The following BCHE variants were observed in gnomAD, a reference collection of about 807,000 sequenced individuals.
BCHE encodes butyrylcholinesterase, also known as cholinesterase.
Under a neutral mutation model 51.3 loss-of-function variants are expected in BCHE, and 48 were observed. The ratio of observed to expected loss-of-function variants is 0.94; its 90% CI spans 0.74 to 1.19. The LOEUF is 1.19. Among genes scored for constraint, BCHE ranks in the 50% most tolerant of loss-of-function variants. BCHE has a pLI of 0.00. For missense variants in BCHE, 847 were observed against 708.2 expected (o/e 1.20, Z -2.23); for synonymous variants, 251 against 238.0 (o/e 1.05, Z -0.50).
chr3:165,796,847 G>A (rs1263128739), intron 2 of BCHE, among the ~76,000 whole-genome samples: 1 of 152,042 alleles, frequency 6.6e-6, no homozygotes, highest in South Asian at 2.1e-4. Flanking sequence ...TTATTCATCA[G>A]CTGAAAGGGC....
chr3:165,778,245 T>TA, intron 3 of BCHE: 1 of 152,412 alleles, frequency 6.6e-6, no homozygotes, highest in East Asian at 1.9e-4. Flanking sequence ...TAAAATAAAA[T>TA]AAATATAAGA....
intron 2 of BCHE, among the ~76,000 whole-genome samples, chr3:165,826,014 G>T (rs1228146762): frequency 4.6e-5 from 7 of 152,066 alleles, no homozygotes; most frequent in African/African-American, 1.4e-4. Flanking sequence ...TGCTGAAGAT[G>T]TGAAACAAGT....
rs561282628 is a variant in BCHE, at chr3:165,776,467, A to C, written c.1685-2961T>G. On this transcript the variant is annotated intron_variant, in intron 3 of 3. Transcript: ENST00000264381. Reference sequence around the variant, plus strand: ...TGTTGATTGTCATTCTCTAAGTGTAAATATTTTTTATGAGAAAGGGAAAAA... The same window carrying C: ...TGTTGATTGTCATTCTCTAAGTGTACATATTTTTTATGAGAAAGGGAAAAA... Among the ~76,000 whole-genome samples, 3 of 152,032 alleles carry C rather than the reference A, an allele frequency of 2.0e-5. No individual in the cohort carries two copies. The South Asian group carries it at 6.2e-4, about 31-fold the overall frequency.
At chr3:165,778,560 G>T in intron 3 of BCHE, 1 of 327,776 alleles carries the variant, frequency 3.1e-6, no homozygotes, top group South Asian at 2.3e-5. Context: ...TGCTTATCTG[G>T]CTTCTCTCCA....
At chr3:165,807,732 T>C (rs1402896528) in intron 2 of BCHE, among the ~76,000 whole-genome samples, 1 of 151,558 alleles carries the variant, frequency 6.6e-6, no homozygotes, top group Admixed American at 6.6e-5. Flanking sequence ...TTTTTTTTTG[T>C]ACAATATTTT....
intron 2 of BCHE, among the ~76,000 whole-genome samples, chr3:165,788,024 A>C (rs143672483): frequency 6.6e-6 from 1 of 152,068 alleles, no homozygotes; most frequent in Admixed American, 6.6e-5. Flanking sequence ...AAATTTTCTA[A>C]AAGTTCAACA....
In BCHE at chr3:165,830,912, A is replaced by G. The variant is rs1560023853; in HGVS notation, c.122T>C (p.Val41Ala). 1.2e-6 allele frequency: 2 copies of G among 1,613,952 alleles called. No individual in the cohort carries two copies. The highest frequency in any genetic ancestry group is 3.3e-5 in the Admixed American group (2 of 59,968). Residue 41 changes from valine to alanine, a missense_variant, in exon 2 of 4, where the codon GTC becomes GCC. Val to Ala is a moderately conservative substitution (Grantham distance 64, BLOSUM62 0). Coordinates refer to ENST00000264381, the MANE Select transcript of BCHE (RefSeq NM_000055.4). ...DIIIATKNGK[V>A]RGMNLTVFGG... Reference sequence around the variant, plus strand: ...AAAAACTGTCAAGTTCATCCCTCTGACTTTTCCATTCTTTGTTGCAATTAT... The same window carrying G: ...AAAAACTGTCAAGTTCATCCCTCTGGCTTTTCCATTCTTTGTTGCAATTAT...
intron 2 of BCHE, among the ~76,000 whole-genome samples, chr3:165,803,898 T>C (rs943753405): frequency 1.3e-5 from 2 of 152,182 alleles, no homozygotes; most frequent in Non-Finnish European, 2.9e-5. Flanking sequence ...GTCATCAGTA[T>C]GTAGATGTTA....
chr3:165,773,533 A>G, intron 3 of BCHE, 27 bp from the exon 4 acceptor site: 3 of 1,585,644 alleles, frequency 1.9e-6, no homozygotes, highest in Non-Finnish European at 2.6e-6. Flanking sequence ...AAGTTGTATT[A>G]ATCAAAATTT....
chr3:165,820,954 T>C (rs1315468880), intron 2 of BCHE, among the ~76,000 whole-genome samples: 1 of 151,974 alleles, frequency 6.6e-6, no homozygotes, highest in Non-Finnish European at 1.5e-5. Context: ...TGAAAGTTAA[T>C]AGCCTTGAGT....
intron 1 of BCHE, among the ~76,000 whole-genome samples, chr3:165,831,999 T>C (rs1399591337): frequency 6.6e-6 from 1 of 152,168 alleles, no homozygotes; most frequent in Non-Finnish European, 1.5e-5. Context: ...CAGTCAGAAT[T>C]ATTTGCATTT....
intron 2 of BCHE, among the ~76,000 whole-genome samples, chr3:165,795,261 G>C (rs1358359839): frequency 1.3e-5 from 2 of 152,158 alleles, no homozygotes; most frequent in African/African-American, 4.8e-5. Context: ...TTCATCTGCT[G>C]ATGAGGAGTC....
chr3:165,802,905 C>T (rs1713721775), intron 2 of BCHE, among the ~76,000 whole-genome samples: 1 of 151,924 alleles, frequency 6.6e-6, no homozygotes, highest in Non-Finnish European at 1.5e-5. Context: ...CCAAGCCCGG[C>T]TAATTTTTCG....
intron 2 of BCHE, among the ~76,000 whole-genome samples, chr3:165,813,657 A>G (rs2108223600): frequency 6.6e-6 from 1 of 152,002 alleles, no homozygotes; most frequent in Admixed American, 6.6e-5. Context: ...ATAAAAATAA[A>G]CGTATGAGTT....
chr3:165,801,044 C>T (rs528154318), intron 2 of BCHE, among the ~76,000 whole-genome samples: 1 of 152,170 alleles, frequency 6.6e-6, no homozygotes, highest in South Asian at 2.1e-4. Context: ...TATTGAAAGC[C>T]AACCTTCCTT....
At chr3:165,792,253 A>C (rs1478330826) in intron 2 of BCHE, among the ~76,000 whole-genome samples, 2 of 152,128 alleles carry the variant, frequency 1.3e-5, no homozygotes, top group Non-Finnish European at 2.9e-5. Context: ...ATATTACTTC[A>C]AGGAAACTTC....
rs184410352 is a variant in BCHE at position 165,773,650 on chromosome 3, G to A, written c.1685-144C>T. The A allele has an allele frequency of 5.8e-4, 368 of 632,736 alleles. No individual in the cohort carries two copies. In the African/African-American group the frequency reaches 6.3e-3, roughly 11 times the overall value. The allele number at this position is 632,736 out of a possible 1,614,324, so 39.2% of individuals were successfully genotyped here. A position where few individuals can be genotyped will look rare whatever the true frequency, so the allele number is the denominator to read the frequency against. On this transcript the variant is annotated intron_variant, in intron 3 of 3. Transcript: ENST00000264381. Reference sequence around the variant, plus strand: ...ATTTATTCTTTATTATTTGTTATTAGCTCGCTTTGCCTGAAAAGAGATTTT... The same window carrying A: ...ATTTATTCTTTATTATTTGTTATTAACTCGCTTTGCCTGAAAAGAGATTTT...
chr3:165,830,609 T>A lies in BCHE; in HGVS notation c.425A>T (p.Tyr142Phe). ...TGTTCCAGTTTGAAAACCACCACCATAAATCCATATCAATACAGTGGCATT... is the reference window on the plus strand; with the variant it reads ...TGTTCCAGTTTGAAAACCACCACCAAAAATCCATATCAATACAGTGGCATT... ...PKNATVLIWI[Y>F]GGGFQTGTSS... is the part of the protein sequence containing the mutation. Residue 142 changes from tyrosine (Y) to phenylalanine (F), a missense_variant, in exon 2 of 4, where the codon TAT becomes TTT. Physicochemically the swap from Tyr to Phe is conservative, Grantham distance 22. Coordinates refer to ENST00000264381, the MANE Select transcript of BCHE (RefSeq NM_000055.4). 6.2e-7 allele frequency: 1 copy of A among 1,613,980 alleles called. No individual in the cohort carries two copies. Among genetic ancestry groups the A allele is most frequent in the East Asian group, 2.2e-5 (1 of 44,866 alleles).
At chr3:165,802,321 A>C (rs890474336) in intron 2 of BCHE, among the ~76,000 whole-genome samples, 2 of 152,234 alleles carry the variant, frequency 1.3e-5, no homozygotes, top group Non-Finnish European at 2.9e-5. Flanking sequence ...GATAATGATA[A>C]GAAATTTAGA....
Sources: allele counts gnomAD v4.1 joint callset (sites outside exome capture counted in the v4.1 genomes callset), GRCh38; gene constraint gnomAD v4.1.1; transcripts MANE v1.5; gene names NCBI Gene and HGNC (gene_info 2026-07-23, HGNC 2026-07-21).